Variants in FCHO2 observed in about 807,000 individuals in gnomAD.
The protein encoded by FCHO2 is FCH and mu domain containing endocytic adaptor 2.
FCHO2 carries 43 observed loss-of-function variants against 114.1 expected under a neutral mutation model. That is an observed-to-expected ratio of 0.38 (90% CI 0.30 to 0.49). The LOEUF (loss-of-function observed/expected upper bound fraction) is 0.49. Ranked by LOEUF, FCHO2 falls within the 20% of genes least tolerant of loss-of-function variation. The probability of loss-of-function intolerance (pLI) is 0.97; values close to 1 mark genes in which losing one functional copy is unlikely to be tolerated. For synonymous variants in FCHO2, 293 were observed against 315.2 expected (o/e 0.93, Z 0.75); for missense variants, 807 against 950.4 (o/e 0.85, Z 1.98).
intron 11 of FCHO2, among the ~76,000 whole-genome samples, chr5:73,049,202 A>T (rs192335139): frequency 6.6e-6 from 1 of 151,934 alleles, no homozygotes; most frequent in Non-Finnish European, 1.5e-5. Flanking sequence ...ATGTAGTTTT[A>T]ATTTTCTTGG....
At chr5:72,965,101 A>G (rs1752123171) in intron 1 of FCHO2, among the ~76,000 whole-genome samples, 1 of 152,160 alleles carries the variant, frequency 6.6e-6, no homozygotes. Flanking sequence ...TTTGAAACAT[A>G]TCCCCTGTGG....
At chr5:72,956,893 A>G (rs990302412) in intron 1 of FCHO2, among the ~76,000 whole-genome samples, 21 of 147,782 alleles carry the variant, frequency 1.4e-4, no homozygotes, top group South Asian at 4.3e-4. Context: ...TTCTGCAGTT[A>G]TTGTTTTTTT....
chr5:72,988,110 A>G (rs1368131230), intron 2 of FCHO2, among the ~76,000 whole-genome samples: 1 of 152,166 alleles, frequency 6.6e-6, no homozygotes, highest in African/African-American at 2.4e-5. Flanking sequence ...GAGAAGAGCC[A>G]GGCAAAAGGT....
intron 2 of FCHO2, among the ~76,000 whole-genome samples, chr5:72,972,962 T>C (rs1261335392): frequency 6.6e-6 from 1 of 152,252 alleles, no homozygotes; most frequent in Non-Finnish European, 1.5e-5. Flanking sequence ...GAGATAATCA[T>C]GTGGTTTTTG....
chr5:73,012,391 G>A (rs1307787129), intron 6 of FCHO2, among the ~76,000 whole-genome samples: 11 of 152,080 alleles, frequency 7.2e-5, no homozygotes, highest in Non-Finnish European at 1.0e-4. Flanking sequence ...GGGAGGCCGC[G>A]GCAGGTGGAT....
intron 2 of FCHO2, among the ~76,000 whole-genome samples, chr5:72,979,422 C>T (rs1297123134): frequency 1.5e-4 from 16 of 105,096 alleles, no homozygotes; most frequent in East Asian, 3.2e-4. Context: ...GACGGAGTCT[C>T]GCTCTGTCGC....
intron 2 of FCHO2, among the ~76,000 whole-genome samples, chr5:72,976,094 A>C (rs117191605): frequency 6.6e-6 from 1 of 152,188 alleles, no homozygotes; most frequent in Non-Finnish European, 1.5e-5. Context: ...TTAACTAGCA[A>C]TGAATTAGAG....
intron 8 of FCHO2, among the ~76,000 whole-genome samples, chr5:73,018,747 C>A (rs1755451181): frequency 1.3e-5 from 2 of 152,172 alleles, no homozygotes; most frequent in Admixed American, 6.5e-5. Context: ...CTGACTGATA[C>A]TTCATGAAGA....
At chr5:73,064,070 A>T in intron 18 of FCHO2, 126 bp downstream of exon 18, 1 of 840,832 alleles carries the variant, frequency 1.2e-6, no homozygotes, top group Non-Finnish European at 1.8e-6. Context: ...CAGTATAGAA[A>T]AATTTTCCCA....
chr5:72,985,721 TG>T (rs1387851038), intron 2 of FCHO2, among the ~76,000 whole-genome samples: 8 of 152,232 alleles, frequency 5.3e-5, no homozygotes, highest in Non-Finnish European at 7.3e-5. Flanking sequence ...GTCTAGTTAT[TG>T]GTTCTTTGAA....
At position 73,017,205 on chromosome 5, in the gene FCHO2, T is replaced by A. The variant is rs1344776377; in HGVS notation, c.700-7T>A. On this transcript the variant is annotated splice_region_variant and splice_polypyrimidine_tract_variant and intron_variant, in intron 7 of 25. Transcript: ENST00000430046. The stretch of plus-strand genomic sequence containing the variant: ...AAGAAAAAGTTATCTTTATTTCATT[T>A]TAATAGGTCCATGAAGAATTTATAA... The A allele has an allele frequency of 7.0e-7, 1 of 1,435,086 alleles. No individual in the cohort carries two copies. The highest frequency in any genetic ancestry group is 9.3e-7 in the Non-Finnish European group (1 of 1,072,358). The allele number at this position is 1,435,086 out of a possible 1,614,324, so 88.9% of individuals were successfully genotyped here.
Position 73,068,756 on chromosome 5 carries a change from G to A in FCHO2, c.1556G>A (p.Ser519Asn), listed in dbSNP as rs1462601016. The change falls in exon 19 of 26, where the codon AGT becomes AAT. Residue 519 changes from serine (S) to asparagine (N), a missense_variant. Ser to Asn is a conservative substitution (Grantham distance 46). Coordinates refer to ENST00000430046, the MANE Select transcript of FCHO2 (RefSeq NM_138782.3). The part of the protein sequence containing the change: ...SSSISSSASL[S>N]AANTPTVGVS... ...TCTATCTCATCATCTGCTTCATTGA[G>A]TGCTGCCAATACTCCAACAGTAGGT... The A allele has an allele frequency of 1.4e-5, 23 of 1,611,902 alleles. No homozygotes were observed. The highest frequency in any genetic ancestry group is 1.9e-5 in the Non-Finnish European group (22 of 1,178,778).
intron 8 of FCHO2, among the ~76,000 whole-genome samples, chr5:73,026,876 G>C (rs1383159599): frequency 1.3e-5 from 2 of 151,918 alleles, no homozygotes; most frequent in Non-Finnish European, 2.9e-5. Flanking sequence ...ATTTTTAGTA[G>C]AGACATAGTT....
Position 73,078,296 on chromosome 5 carries a change from A to G in FCHO2, c.1964A>G (p.Asp655Gly). 2 of 1,602,292 alleles carry G rather than the reference A, an allele frequency of 1.2e-6. No individual in the cohort carries two copies. Among genetic ancestry groups the G allele is most frequent in the Non-Finnish European group, 1.7e-6 (2 of 1,174,888 alleles). ...QNPAASYYNV[D>G]VLKYQVSSNG... ...CCAGCTGCTTCTTATTATAATGTAG[A>G]TGTATTAAAGTATCAGGTGAGTGTC... The change falls in exon 22 of 26, where the codon GAT becomes GGT. Residue 655 changes from aspartate to glycine, a missense_variant. By Grantham distance (94) the Asp-to-Gly change is moderately conservative. Coordinates refer to ENST00000430046, the MANE Select transcript of FCHO2 (RefSeq NM_138782.3).
At chr5:72,975,269 T>G (rs1752795725) in intron 2 of FCHO2, among the ~76,000 whole-genome samples, 2 of 152,222 alleles carry the variant, frequency 1.3e-5, no homozygotes, top group African/African-American at 4.8e-5. Context: ...GATAATCATA[T>G]TTCTTGAAGG....
At position 73,066,481 on chromosome 5, in the gene FCHO2, C is replaced by T. The variant is rs77126506; in HGVS notation, c.1450-2169C>T. Among the ~76,000 whole-genome samples the T allele has an allele frequency of 4.2e-3, 637 of 151,092 alleles. 3 individuals carry two copies. The highest frequency in any genetic ancestry group is 0.015 in the African/African-American group (605 of 41,204). On this transcript the variant is annotated intron_variant, in intron 18 of 25. Coordinates refer to ENST00000430046, the MANE Select transcript of FCHO2 (RefSeq NM_138782.3). ...CAATTTATGAACTAAACTGTATGTA[C>T]ATTTTTAAGACTCTTGATGATTATT...
chr5:73,024,044 T>C (rs1021604971), intron 8 of FCHO2, among the ~76,000 whole-genome samples: 1 of 152,082 alleles, frequency 6.6e-6, no homozygotes, highest in African/African-American at 2.4e-5. Flanking sequence ...ATTTAGATCA[T>C]GTTTCTTTTT....
At chr5:73,086,123 C>CAA (rs74750959) in intron 24 of FCHO2, among the ~76,000 whole-genome samples, 4 of 132,372 alleles carry the variant, frequency 3.0e-5, no homozygotes, top group South Asian at 2.4e-4. Context: ...GACTCTGTCT[C>CAA]AAAAAAAAAA....
chr5:73,054,060 G>T, intron 13 of FCHO2, 100 bp from the exon 14 acceptor site: 1 of 932,800 alleles, frequency 1.1e-6, no homozygotes, highest in African/African-American at 1.7e-5. Context: ...GGTGTATATA[G>T]TTTAGATATG....
Sources: gnomAD v4.1 joint callset for allele counts (sites outside exome capture counted in the v4.1 genomes callset) on GRCh38, gnomAD v4.1.1 for gene constraint, MANE v1.5 for transcripts, NCBI Gene and HGNC (gene_info 2026-07-23, HGNC 2026-07-21) for gene names.